The following TNFRSF11A variants were observed in gnomAD, a reference collection of about 807,000 sequenced individuals.
TNFRSF11A encodes the protein tumor necrosis factor receptor superfamily member 11A.
A neutral mutation model predicts 55.7 loss-of-function variants in TNFRSF11A; 32 were observed. The ratio of observed to expected loss-of-function variants is 0.57; its 90% CI spans 0.43 to 0.77. TNFRSF11A has a LOEUF of 0.77. Ranked by LOEUF, TNFRSF11A falls within the 30% of genes least tolerant of loss-of-function variation. TNFRSF11A has a pLI of 0.00. For missense variants in TNFRSF11A, 753 were observed against 809.8 expected, an observed-to-expected ratio of 0.93 and a Z score of 0.85; for synonymous variants, 311 against 331.0, an observed-to-expected ratio of 0.94 and a Z score of 0.65.
chr18:62,363,857 A>G (rs1172771042), intron 7 of TNFRSF11A, among the ~76,000 whole-genome samples: 2 of 152,122 alleles, frequency 1.3e-5, no homozygotes, highest in African/African-American at 4.8e-5. Flanking sequence ...TTTCTTTTTG[A>G]TACTATTTTA....
intron 9 of TNFRSF11A, among the ~76,000 whole-genome samples, chr18:62,382,342 C>T (rs1337576287): frequency 6.6e-6 from 1 of 151,996 alleles, no homozygotes; most frequent in Non-Finnish European, 1.5e-5. Context: ...AACTCCTGAC[C>T]CCAGGTGATC....
rs1350006155 is a variant in TNFRSF11A, at chr18:62,390,864, T to C, written c.*5830T>C. 3 of 152,232 alleles carry C rather than the reference T, an allele frequency of 2.0e-5. No homozygotes were observed. The highest frequency in any genetic ancestry group is 4.4e-5 in the Non-Finnish European group (3 of 68,040). The allele number at this position is 152,232 out of a possible 1,614,324, so 9.4% of individuals were successfully genotyped here. A position where few individuals can be genotyped will look rare whatever the true frequency, so the allele number is the denominator to read the frequency against. On this transcript the variant is annotated 3_prime_UTR_variant, in exon 10 of 10. Coordinates refer to ENST00000586569, the MANE Select transcript of TNFRSF11A (RefSeq NM_003839.4). ...TAAACATTTTTTACATCGGGTCTATTGAGTTTGTTATATACAGTAAAATTC... is the reference window on the plus strand; with the variant it reads ...TAAACATTTTTTACATCGGGTCTATCGAGTTTGTTATATACAGTAAAATTC...
chr18:62,365,687 C>T (rs1159261319), intron 7 of TNFRSF11A, among the ~76,000 whole-genome samples: 1 of 152,220 alleles, frequency 6.6e-6, no homozygotes, highest in Non-Finnish European at 1.5e-5. Flanking sequence ...TGACAGCCCC[C>T]AAATGTGCCC....
chr18:62,371,792 A>C (rs962074937), intron 9 of TNFRSF11A, among the ~76,000 whole-genome samples: 4 of 152,176 alleles, frequency 2.6e-5, no homozygotes, highest in African/African-American at 9.7e-5. Flanking sequence ...GTAGTTTTTT[A>C]AAAAGTCACA....
Position 62,385,921 on chromosome 18 carries a change from CAT to C in TNFRSF11A, c.*888_*889del, listed in dbSNP as rs1911704634. 1 of 152,186 alleles carries C rather than the reference CAT, an allele frequency of 6.6e-6. No homozygotes were observed. The highest frequency in any genetic ancestry group is 2.4e-5 in the African/African-American group (1 of 41,420). 9.4% of individuals were successfully genotyped at this position (152,186 alleles called of 1,614,324 possible). A position where few individuals can be genotyped will look rare whatever the true frequency, so the allele number is the denominator to read the frequency against. ...GAGATAGTTGCTAAGTTGCTAGGAA[CAT>C]GTGGTGGGACTTTCATATTCTGAAA... is the stretch of plus-strand genomic sequence containing the variant. On this transcript the variant is annotated 3_prime_UTR_variant, in exon 10 of 10. Coordinates refer to ENST00000586569, the MANE Select transcript of TNFRSF11A (RefSeq NM_003839.4).
intron 9 of TNFRSF11A, among the ~76,000 whole-genome samples, chr18:62,379,021 T>C (rs1911083764): frequency 6.6e-6 from 1 of 152,138 alleles, no homozygotes; most frequent in African/African-American, 2.4e-5. Context: ...TGACGTGCCA[T>C]GGAAAAAGAA....
intron 1 of TNFRSF11A, among the ~76,000 whole-genome samples, chr18:62,335,930 T>C (rs1359594399): frequency 6.6e-6 from 1 of 152,234 alleles, no homozygotes; most frequent in South Asian, 2.1e-4. Flanking sequence ...AGTCTCCTTA[T>C]CACCAGCCAT....
At chr18:62,326,047 A>G (rs1384764980) in intron 1 of TNFRSF11A, among the ~76,000 whole-genome samples, 1 of 152,242 alleles carries the variant, frequency 6.6e-6, no homozygotes, top group Non-Finnish European at 1.5e-5. Flanking sequence ...TCCTCTCGGA[A>G]CAGGTTTCTC....
intron 8 of TNFRSF11A, among the ~76,000 whole-genome samples, chr18:62,367,773 TC>T (rs60624401): frequency 0.026 from 3,588 of 140,640 alleles, 126 homozygotes; most frequent in African/African-American, 0.044. Context: ...GATCTTTCTT[TC>T]TTTTCTTCTT....
intron 1 of TNFRSF11A, among the ~76,000 whole-genome samples, chr18:62,334,530 G>T (rs2046202075): frequency 6.6e-6 from 1 of 152,182 alleles, no homozygotes; most frequent in South Asian, 2.1e-4. Flanking sequence ...ACAGTGATAG[G>T]TTAAACCTTT....
intron 8 of TNFRSF11A, among the ~76,000 whole-genome samples, chr18:62,367,211 G>C (rs994737514): frequency 1.3e-5 from 2 of 152,164 alleles, no homozygotes; most frequent in African/African-American, 4.8e-5. Flanking sequence ...TTCCAGGATG[G>C]ATCCCTGCAG....
intron 1 of TNFRSF11A, among the ~76,000 whole-genome samples, chr18:62,338,689 A>T (rs1230891954): frequency 5.9e-5 from 9 of 152,186 alleles, no homozygotes; most frequent in African/African-American, 2.2e-4. Flanking sequence ...GTTACTAGTT[A>T]ACGGTTACAG....
chr18:62,350,668 G>T (rs1265328197), intron 3 of TNFRSF11A, among the ~76,000 whole-genome samples: 1 of 152,112 alleles, frequency 6.6e-6, no homozygotes, highest in Non-Finnish European at 1.5e-5. Context: ...TGTGAAGCAG[G>T]ACTCAAAACC....
At position 62,358,549 on chromosome 18, in the gene TNFRSF11A, G is replaced by A. The variant is rs560893325; in HGVS notation, c.521+208G>A. ...CAGCCCTATGTGTGACAGGAACTTC[G>A]TGTGACTTTTTAGATTTGGTAATCT... On this transcript the variant is annotated intron_variant, in intron 5 of 9. Coordinates refer to ENST00000586569, the MANE Select transcript of TNFRSF11A (RefSeq NM_003839.4). 7.2e-5 allele frequency among the ~76,000 whole-genome samples: 11 copies of A among 152,304 alleles called. No homozygotes were observed. The South Asian group carries it at 8.3e-4, about 11-fold the overall frequency.
intron 1 of TNFRSF11A, among the ~76,000 whole-genome samples, chr18:62,334,499 C>G (rs1489369905): frequency 6.6e-6 from 1 of 152,182 alleles, no homozygotes; most frequent in Non-Finnish European, 1.5e-5. Context: ...GAAGGATGGC[C>G]TTGGAGCCCC....
rs756432094 is a variant in TNFRSF11A, at chr18:62,386,908, G to T, written c.*1874G>T. Reference sequence around the variant, plus strand: ...TTTTATTTAACATCATCCACAGAGAGATGTTATACAAATGGAGGAAACCAT... The same window carrying T: ...TTTTATTTAACATCATCCACAGAGATATGTTATACAAATGGAGGAAACCAT... On this transcript the variant is annotated 3_prime_UTR_variant, in exon 10 of 10. Transcript: ENST00000586569. 9 of 152,168 alleles carry T rather than the reference G, an allele frequency of 5.9e-5. No individual in the cohort carries two copies. The highest frequency in any genetic ancestry group is 1.0e-4 in the Non-Finnish European group (7 of 68,038). 9.4% of individuals were successfully genotyped at this position (152,168 alleles called of 1,614,324 possible). A position where few individuals can be genotyped will look rare whatever the true frequency, so the allele number is the denominator to read the frequency against.
rs1223685663 is a variant in TNFRSF11A, at chr18:62,389,831, C to G, written c.*4797C>G. On this transcript the variant is annotated 3_prime_UTR_variant, in exon 10 of 10. Coordinates refer to ENST00000586569, the MANE Select transcript of TNFRSF11A (RefSeq NM_003839.4). ...TAACCAAGGAGCTGGTGACACTACCCTCTTCCCTGTGTGATAGAAAATGCA... is the reference window on the plus strand; with the variant it reads ...TAACCAAGGAGCTGGTGACACTACCGTCTTCCCTGTGTGATAGAAAATGCA... 2.0e-5 allele frequency: 3 copies of G among 152,258 alleles called. No individual in the cohort carries two copies. Among genetic ancestry groups the G allele is most frequent in the African/African-American group, 7.2e-5 (3 of 41,460 alleles). 9.4% of individuals were successfully genotyped at this position (152,258 alleles called of 1,614,324 possible).
chr18:62,354,673 G>A (rs1909119028), intron 4 of TNFRSF11A, 139 bp downstream of exon 4: 7 of 1,310,412 alleles, frequency 5.3e-6, no homozygotes, highest in African/African-American at 1.5e-5. Context: ...GGAAAGGTGG[G>A]GGCTGATTTT....
chr18:62,334,928 A>G (rs989247690), intron 1 of TNFRSF11A, among the ~76,000 whole-genome samples: 2 of 152,160 alleles, frequency 1.3e-5, no homozygotes, highest in African/African-American at 2.4e-5. Flanking sequence ...CCCAAAACCT[A>G]TGACAATGGA....
Sources: gnomAD v4.1 joint callset for allele counts (sites outside exome capture counted in the v4.1 genomes callset) on GRCh38, gnomAD v4.1.1 for gene constraint, MANE v1.5 for transcripts, NCBI Gene and HGNC (gene_info 2026-07-23, HGNC 2026-07-21) for gene names.